UNC5D: variants seen among roughly 807,000 people sequenced by gnomAD.
UNC5D encodes the protein unc-5 netrin receptor D.
UNC5D carries 39 observed loss-of-function variants against 105.4 expected under a neutral mutation model. The ratio of observed to expected loss-of-function variants is 0.37; its 90% CI spans 0.29 to 0.48. The LOEUF (loss-of-function observed/expected upper bound fraction) is 0.48. Among genes scored for constraint, UNC5D ranks in the 20% least tolerant of loss-of-function variants. The pLI is 0.98. For missense variants in UNC5D, 991 were observed against 1,202.4 expected, an observed-to-expected ratio of 0.82 and a Z score of 2.60; for synonymous variants, 452 against 450.4, an observed-to-expected ratio of 1.00 and a Z score of -0.04.
At chr8:35,666,853 C>T (rs1824456293) in intron 4 of UNC5D, among the ~76,000 whole-genome samples, 1 of 152,142 alleles carries the variant, frequency 6.6e-6, no homozygotes, top group Non-Finnish European at 1.5e-5. Context: ...AAATTTCCCT[C>T]TGTGGATTTA....
chr8:35,245,799 A>T (rs1310838329), intron 1 of UNC5D, among the ~76,000 whole-genome samples: 1 of 152,082 alleles, frequency 6.6e-6, no homozygotes, highest in East Asian at 1.9e-4. Context: ...TAATTCATGG[A>T]TATCTGTGTG....
At chr8:35,711,760 C>G (rs1827978872) in intron 8 of UNC5D, among the ~76,000 whole-genome samples, 1 of 152,166 alleles carries the variant, frequency 6.6e-6, no homozygotes, top group South Asian at 2.1e-4. Flanking sequence ...TGTAAGTTGC[C>G]TCCGTATCAA....
intron 4 of UNC5D, among the ~76,000 whole-genome samples, chr8:35,668,775 A>G (rs1485053871): frequency 6.6e-6 from 1 of 152,164 alleles, no homozygotes; most frequent in African/African-American, 2.4e-5. Flanking sequence ...GGAATCCTTT[A>G]AACTGATTTT....
intron 11 of UNC5D, among the ~76,000 whole-genome samples, chr8:35,733,484 A>T (rs545123918): frequency 1.3e-5 from 2 of 152,276 alleles, no homozygotes; most frequent in South Asian, 4.1e-4. Context: ...CTCGAAGTTC[A>T]TGGAGCTGGA....
At chr8:35,320,327 A>T (rs1279281739) in intron 1 of UNC5D, among the ~76,000 whole-genome samples, 1 of 152,058 alleles carries the variant, frequency 6.6e-6, no homozygotes. Context: ...GTCTGGGTTA[A>T]GATATGGAGT....
chr8:35,631,949 C>T (rs1288152813), intron 4 of UNC5D, among the ~76,000 whole-genome samples: 1 of 152,114 alleles, frequency 6.6e-6, no homozygotes, highest in African/African-American at 2.4e-5. Flanking sequence ...ATCATTTATC[C>T]AATACCCAAA....
intron 1 of UNC5D, among the ~76,000 whole-genome samples, chr8:35,491,856 A>G (rs1811233896): frequency 6.6e-6 from 1 of 152,132 alleles, no homozygotes; most frequent in Non-Finnish European, 1.5e-5. Context: ...TCAAACACAT[A>G]TATTAAATAT....
At chr8:35,663,219 TCTA>T (rs1466716108) in intron 4 of UNC5D, among the ~76,000 whole-genome samples, 1 of 152,204 alleles carries the variant, frequency 6.6e-6, no homozygotes, top group African/African-American at 2.4e-5. Context: ...GCACACCAGA[TCTA>T]CTGCTGAGAG....
At chr8:35,622,828 G>T (rs534501360) in intron 4 of UNC5D, among the ~76,000 whole-genome samples, 1 of 151,992 alleles carries the variant, frequency 6.6e-6, no homozygotes, top group East Asian at 1.9e-4. Flanking sequence ...CAATAATTTG[G>T]TCAAACTGTT....
intron 1 of UNC5D, among the ~76,000 whole-genome samples, chr8:35,430,636 A>G (rs1338021467): frequency 6.6e-6 from 1 of 152,134 alleles, no homozygotes; most frequent in Non-Finnish European, 1.5e-5. Flanking sequence ...TTGGAATTGA[A>G]TTGAATTAGA....
intron 4 of UNC5D, among the ~76,000 whole-genome samples, chr8:35,672,974 G>A (rs1323293358): frequency 6.6e-6 from 1 of 152,174 alleles, no homozygotes; most frequent in Admixed American, 6.5e-5. Context: ...TCTGCAGAGG[G>A]ACGGATGTCT....
At chr8:35,510,448 A>C (rs1467229112) in intron 1 of UNC5D, among the ~76,000 whole-genome samples, 1 of 152,134 alleles carries the variant, frequency 6.6e-6, no homozygotes, top group Admixed American at 6.5e-5. Flanking sequence ...AGATATTATC[A>C]GTTGTTGCAT....
rs146930566 is a variant in UNC5D at position 35,570,665 on chromosome 8, A to T, written c.466+2424A>T. On this transcript the variant is annotated intron_variant, in intron 3 of 16. Coordinates refer to ENST00000404895, the MANE Select transcript of UNC5D (RefSeq NM_080872.4). ...GAATAAACAATGTGAAAAATAGAAA[A>T]CACTTAGCCCGGGCACGGTGGCTCA... Among the ~76,000 whole-genome samples, 617 of 152,176 alleles carry T rather than the reference A, an allele frequency of 4.1e-3. 1 individual carries two copies. Among genetic ancestry groups the T allele is most frequent in the Middle Eastern group, 0.021 (6 of 292 alleles).
chr8:35,602,208 T>G (rs1404461175), intron 4 of UNC5D, among the ~76,000 whole-genome samples: 2 of 152,206 alleles, frequency 1.3e-5, no homozygotes, highest in African/African-American at 4.8e-5. Context: ...GCCCGTATTT[T>G]ATTGAGAATT....
intron 16 of UNC5D, among the ~76,000 whole-genome samples, chr8:35,785,289 T>C (rs995577116): frequency 2.0e-5 from 3 of 152,216 alleles, no homozygotes; most frequent in Non-Finnish European, 4.4e-5. Flanking sequence ...AAAATCATAA[T>C]GCATTTGCAC....
At chr8:35,260,001 A>G (rs1804363711) in intron 1 of UNC5D, among the ~76,000 whole-genome samples, 1 of 151,848 alleles carries the variant, frequency 6.6e-6, no homozygotes, top group Non-Finnish European at 1.5e-5. Flanking sequence ...CAAATAAAAA[A>G]GTGTCTCTGA....
intron 4 of UNC5D, among the ~76,000 whole-genome samples, chr8:35,608,841 A>G (rs984324828): frequency 6.6e-6 from 1 of 152,022 alleles, no homozygotes; most frequent in African/African-American, 2.4e-5. Context: ...TTTGTTTCAT[A>G]TGTTTGCTAT....
At chr8:35,482,793 CTTTTTTT>C (rs5890816) in intron 1 of UNC5D, among the ~76,000 whole-genome samples, 4 of 78,132 alleles carry the variant, frequency 5.1e-5, no homozygotes, top group African/African-American at 1.6e-4. Flanking sequence ...TTAAAGAGAT[CTTTTTTT>C]TTTTTTTTTT....
intron 8 of UNC5D, among the ~76,000 whole-genome samples, chr8:35,710,255 T>C (rs562294591): frequency 6.6e-6 from 1 of 152,322 alleles, no homozygotes; most frequent in African/African-American, 2.4e-5. Context: ...ATATTCTGGA[T>C]GTCTTTTGAT....
Sources: allele counts gnomAD v4.1 joint callset (sites outside exome capture counted in the v4.1 genomes callset), GRCh38; gene constraint gnomAD v4.1.1; transcripts MANE v1.5; gene names NCBI Gene and HGNC (gene_info 2026-07-23, HGNC 2026-07-21).